TULP4: variants seen among roughly 807,000 people sequenced by gnomAD.
TULP4 encodes the protein tubby-related protein 4.
TULP4 carries 16 observed loss-of-function variants against 129.0 expected under a neutral mutation model. The observed-to-expected ratio is 0.12, with a 90% CI of 0.08 to 0.19. TULP4 has a LOEUF of 0.19. Among genes scored for constraint, TULP4 ranks in the 10% least tolerant of loss-of-function variants. The pLI is 1.00. For synonymous variants in TULP4, 998 were observed against 854.0 expected (o/e 1.17, Z -2.94); for missense variants, 1,842 against 2,059.1 (o/e 0.89, Z 2.04).
chr6:158,405,888 T>G (rs1411014569), intron 1 of TULP4, among the ~76,000 whole-genome samples: 1 of 152,206 alleles, frequency 6.6e-6, no homozygotes, highest in Non-Finnish European at 1.5e-5. Context: ...CTCTTTAGTG[T>G]GATTTTATTT....
At chr6:158,484,950 C>T (rs759012520) in intron 8 of TULP4, among the ~76,000 whole-genome samples, 1 of 152,204 alleles carries the variant, frequency 6.6e-6, no homozygotes, top group African/African-American at 2.4e-5. Flanking sequence ...TAACAAATCT[C>T]TAAACATGTG....
At chr6:158,391,137 C>T (rs181622322) in intron 1 of TULP4, among the ~76,000 whole-genome samples, 7 of 152,164 alleles carry the variant, frequency 4.6e-5, no homozygotes, top group Non-Finnish European at 7.4e-5. Context: ...AAATAATAGT[C>T]GAATGACACA....
intron 1 of TULP4, among the ~76,000 whole-genome samples, chr6:158,268,184 C>T (rs1045186728): frequency 6.6e-6 from 1 of 151,772 alleles, no homozygotes; most frequent in Non-Finnish European, 1.5e-5. Flanking sequence ...TACAGGCATG[C>T]ACCACCACAC....
chr6:158,314,892 T>C (rs1043913013), intron 1 of TULP4, among the ~76,000 whole-genome samples: 2 of 152,232 alleles, frequency 1.3e-5, no homozygotes, highest in East Asian at 1.9e-4. Context: ...TTCTAAAATA[T>C]AAGCAGTGGG....
chr6:158,463,937 T>C (rs1264459262), intron 6 of TULP4, among the ~76,000 whole-genome samples: 1 of 152,148 alleles, frequency 6.6e-6, no homozygotes, highest in East Asian at 1.9e-4. Flanking sequence ...CCAGCACCTT[T>C]TCATCTTGCA....
rs373205329 is a variant in TULP4 at position 158,502,171 on chromosome 6, G to A, written c.2508G>A (p.Pro836=). The change falls in exon 13 of 14, where the codon CCG becomes CCA. Residue 836 remains proline (P), a synonymous_variant. Transcript: ENST00000367097. Reference sequence around the variant, plus strand: ...TGACGAAGATAAACCCTCCACCCCCGTACCCAGGAACCATCCCCGCTGCCC... The same window carrying A: ...TGACGAAGATAAACCCTCCACCCCCATACCCAGGAACCATCCCCGCTGCCC... The part of the protein sequence containing the change: ...VQVTKINPPP[P]YPGTIPAAPT... The A allele has an allele frequency of 1.9e-4, 267 of 1,408,434 alleles. No individual in the cohort carries two copies. The African/African-American group carries it at 4.6e-3, about 24-fold the overall frequency. 87.2% of individuals were successfully genotyped at this position (1,408,434 alleles called of 1,614,324 possible). A position where few individuals can be genotyped will look rare whatever the true frequency, so the allele number is the denominator to read the frequency against.
rs753683788 is a variant in TULP4, at chr6:158,503,716, G to A, written c.4053G>A (p.Gln1351=). 2 of 1,614,088 alleles carry A rather than the reference G, an allele frequency of 1.2e-6. No individual in the cohort carries two copies. Among genetic ancestry groups the A allele is most frequent in the Non-Finnish European group, 1.7e-6 (2 of 1,180,034 alleles). The change falls in exon 13 of 14, where the codon CAG becomes CAA. Residue 1351 remains glutamine (Q), a synonymous_variant. Transcript: ENST00000367097. The surrounding 1 kb of genome is among the most constrained non-coding windows in gnomAD (Gnocchi z 4.3). The stretch of plus-strand genomic sequence containing the variant: ...GCCGAGCAGAAGAAGGCAGCGTTCA[G>A]GCCATCACTGAGGGCAAAGTGAAGA... The part of the protein sequence containing the change: ...LDSRAEEGSV[Q]AITEGKVKKE...
chr6:158,410,463 T>C (rs1436711477), intron 1 of TULP4, among the ~76,000 whole-genome samples: 1 of 152,202 alleles, frequency 6.6e-6, no homozygotes, highest in East Asian at 1.9e-4. Context: ...TGAGTATTCA[T>C]TGGTATTACA....
intron 1 of TULP4, among the ~76,000 whole-genome samples, chr6:158,392,510 C>CT (rs1777606605): frequency 6.6e-6 from 1 of 152,192 alleles, no homozygotes; most frequent in Non-Finnish European, 1.5e-5. Context: ...ATTCTCCCGG[C>CT]TTTTTTCTCA....
At chr6:158,301,020 C>T (rs946472233) in intron 1 of TULP4, among the ~76,000 whole-genome samples, 2 of 152,168 alleles carry the variant, frequency 1.3e-5, no homozygotes, top group African/African-American at 2.4e-5. Flanking sequence ...GGTATGAGAT[C>T]TAATATGTGT....
chr6:158,443,308 G>T (rs1031870665), intron 3 of TULP4, among the ~76,000 whole-genome samples: 2 of 151,866 alleles, frequency 1.3e-5, no homozygotes, highest in Admixed American at 6.6e-5. Flanking sequence ...GTAGAGATGG[G>T]GTTTCACCAT....
intron 1 of TULP4, among the ~76,000 whole-genome samples, chr6:158,294,699 C>T (rs1436499827): frequency 6.6e-6 from 1 of 151,850 alleles, no homozygotes; most frequent in Admixed American, 6.6e-5. Flanking sequence ...TCCTTTCTTC[C>T]TCTTCCTTCT....
intron 1 of TULP4, among the ~76,000 whole-genome samples, chr6:158,300,092 A>G (rs1779106645): frequency 6.6e-6 from 1 of 152,138 alleles, no homozygotes; most frequent in Non-Finnish European, 1.5e-5. Context: ...GTCGGCACAG[A>G]TCTCACCAGG....
At chr6:158,485,905 C>T (rs1260948470) in intron 8 of TULP4, among the ~76,000 whole-genome samples, 1 of 152,200 alleles carries the variant, frequency 6.6e-6, no homozygotes, top group African/African-American at 2.4e-5. Context: ...AAGCACATAA[C>T]TTCTCTAGTT....
chr6:158,232,711 C>G (rs1279204945), intron 1 of TULP4, among the ~76,000 whole-genome samples: 2 of 152,068 alleles, frequency 1.3e-5, no homozygotes, highest in African/African-American at 2.4e-5. Flanking sequence ...AACGGTTTCC[C>G]CAGGGAGACT....
At chr6:158,367,768 C>T (rs1304902236) in intron 1 of TULP4, among the ~76,000 whole-genome samples, 2 of 151,946 alleles carry the variant, frequency 1.3e-5, no homozygotes, top group South Asian at 2.1e-4. Flanking sequence ...AAGGCCGGTG[C>T]GGTGGCTCAC....
chr6:158,482,239 C>G (rs1019529945), intron 8 of TULP4, among the ~76,000 whole-genome samples: 1 of 152,140 alleles, frequency 6.6e-6, no homozygotes, highest in Non-Finnish European at 1.5e-5. Flanking sequence ...GCTAGCATGA[C>G]CTGTGGCCTG....
At chr6:158,320,492 C>T (rs927998336) in intron 1 of TULP4, among the ~76,000 whole-genome samples, 5 of 149,554 alleles carry the variant, frequency 3.3e-5, no homozygotes, top group African/African-American at 4.9e-5. Context: ...AGTGCAATGG[C>T]GTAATCTTGG....
intron 1 of TULP4, among the ~76,000 whole-genome samples, chr6:158,302,268 A>G (rs985688330): frequency 6.6e-6 from 1 of 152,184 alleles, no homozygotes; most frequent in East Asian, 1.9e-4. Flanking sequence ...CTGATTATTG[A>G]TAGATGGTAC....
Sources: gnomAD v4.1 joint callset for allele counts (sites outside exome capture counted in the v4.1 genomes callset) on GRCh38, gnomAD v4.1.1 for gene constraint, Gnocchi (gnomAD v3.1) non-coding constraint, MANE v1.5 for transcripts, NCBI Gene and HGNC (gene_info 2026-07-23, HGNC 2026-07-21) for gene names.